Variants in FBXO24 observed in about 807,000 individuals in gnomAD.
FBXO24 encodes F-box only protein 24.
Under a neutral mutation model 63.5 loss-of-function variants are expected in FBXO24, and 30 were observed. The observed-to-expected ratio is 0.47, with a 90% CI of 0.35 to 0.64. The LOEUF (loss-of-function observed/expected upper bound fraction) is 0.64, where lower values mean the gene tolerates loss of function less well. Ranked by LOEUF, FBXO24 falls within the 30% of genes least tolerant of loss-of-function variation. The probability of loss-of-function intolerance (pLI) is 0.00; values close to 1 mark genes in which losing one functional copy is unlikely to be tolerated. For missense variants in FBXO24, 624 were observed against 763.4 expected, an observed-to-expected ratio of 0.82 and a Z score of 2.15; for synonymous variants, 300 against 305.0, an observed-to-expected ratio of 0.98 and a Z score of 0.17.
At position 100,595,000 on chromosome 7, in the gene FBXO24, G is replaced by A. The variant is rs1802234843; in HGVS notation, c.953-102G>A. On this transcript the variant is annotated intron_variant, in intron 6 of 9. Transcript: ENST00000241071. The surrounding 1 kb of genome is among the most constrained non-coding windows in gnomAD (Gnocchi z 4.2). ...ATCATAGTTGATGCATTCCTAGTGG[G>A]TATGAGACTCCTTGGATCTTGTAGC... 6.7e-7 allele frequency: 1 copy of A among 1,500,466 alleles called. No homozygotes were observed. 92.9% of individuals were successfully genotyped at this position (1,500,466 alleles called of 1,614,324 possible). A position where few individuals can be genotyped will look rare whatever the true frequency, so the allele number is the denominator to read the frequency against.
Position 100,591,818 on chromosome 7 carries a change from C to A in FBXO24, c.474C>A (p.Leu158=). 1 of 1,614,248 alleles carries A rather than the reference C, an allele frequency of 6.2e-7. No homozygotes were observed. The highest frequency in any genetic ancestry group is 8.5e-7 in the Non-Finnish European group (1 of 1,180,044). ...ACTACGTGGGGACCCTCTTCTTCCT[C>A]AAAAATGCCCTGGTCTCCACCCTCG... is the stretch of plus-strand genomic sequence containing the variant. ...ILDYVGTLFF[L]KNALVSTLGQ... is the part of the protein sequence containing the mutation. The change falls in exon 4 of 10, where the codon CTC becomes CTA. Residue 158 remains leucine (L), a synonymous_variant. Coordinates refer to ENST00000241071, the MANE Select transcript of FBXO24 (RefSeq NM_033506.3).
At chr7:100,599,004 G>T (rs952360674) in intron 8 of FBXO24, among the ~76,000 whole-genome samples, 17 of 152,006 alleles carry the variant, frequency 1.1e-4, no homozygotes, top group African/African-American at 4.1e-4. Context: ...AATGCTAGAG[G>T]CTGAGGTGGG....
chr7:100,597,593 C>T (rs1802373259), intron 8 of FBXO24, among the ~76,000 whole-genome samples: 1 of 152,042 alleles, frequency 6.6e-6, no homozygotes, highest in African/African-American at 2.4e-5. Context: ...GGAGTTTTAC[C>T]ATGTTGGCCA....
rs1802266298 is a variant in FBXO24 at position 100,595,556 on chromosome 7, T to A, written c.1075-19T>A. On this transcript the variant is annotated intron_variant, in intron 7 of 9. Coordinates refer to ENST00000241071, the MANE Select transcript of FBXO24 (RefSeq NM_033506.3). ...TGGAGGGAATGGAATCCCTATCCCC[T>A]TTCTATCTTGCACGCTAGATCCTAT... The A allele has an allele frequency of 1.2e-5, 19 of 1,568,886 alleles. No individual in the cohort carries two copies. Among genetic ancestry groups the A allele is most frequent in the Non-Finnish European group, 1.6e-5 (18 of 1,153,512 alleles).
chr7:100,589,710 G>C, intron 1 of FBXO24: 1 of 1,546,962 alleles, frequency 6.5e-7, no homozygotes. Context: ...GAGCAGGGAG[G>C]GGGCAATCAG....
chr7:100,600,481 A>T lies in FBXO24; in HGVS notation c.1378-53A>T. 1 of 1,520,456 alleles carries T rather than the reference A, an allele frequency of 6.6e-7. No homozygotes were observed. The highest frequency in any genetic ancestry group is 8.8e-7 in the Non-Finnish European group (1 of 1,135,460). 94.2% of individuals were successfully genotyped at this position (1,520,456 alleles called of 1,614,324 possible). A position where few individuals can be genotyped will look rare whatever the true frequency, so the allele number is the denominator to read the frequency against. ...CAGATTAGCCCGGGCACCCTGGGAA[A>T]CCCTGCAAGGAAAGCACCACTCAGC... On this transcript the variant is annotated intron_variant, in intron 9 of 9. Coordinates refer to ENST00000241071, the MANE Select transcript of FBXO24 (RefSeq NM_033506.3). The surrounding 1 kb of genome is among the most constrained non-coding windows in gnomAD (Gnocchi z 6.3).
intron 4 of FBXO24, among the ~76,000 whole-genome samples, chr7:100,592,526 A>T (rs2131266638): frequency 6.6e-6 from 1 of 152,298 alleles, no homozygotes; most frequent in Admixed American, 6.5e-5. Context: ...CCCACTGGGT[A>T]TTACAATTCG....
chr7:100,596,485 G>C (rs960019462), intron 8 of FBXO24, among the ~76,000 whole-genome samples: 4 of 152,152 alleles, frequency 2.6e-5, no homozygotes, highest in African/African-American at 9.7e-5. Flanking sequence ...CACAAGCTTA[G>C]AGAGGTGTAG....
chr7:100,599,970 C>CA, intron 8 of FBXO24, 61 bp from the exon 9 acceptor site: 1 of 1,448,668 alleles, frequency 6.9e-7, no homozygotes, highest in Non-Finnish European at 9.5e-7. Flanking sequence ...AACCTTTTCC[C>CA]ACCCCAGCCC....
rs1261381268 is a variant in FBXO24, at chr7:100,586,356, G to T, written c.-270G>T. The T allele has an allele frequency of 6.2e-6, 4 of 640,392 alleles. No homozygotes were observed. The South Asian group carries it at 7.8e-5, about 13-fold the overall frequency. The allele number at this position is 640,392 out of a possible 1,614,324, so 39.7% of individuals were successfully genotyped here. Reference sequence around the variant, plus strand: ...GCGCTCGCCAACGGCCGACGCTCCAGGCCGTCCCGCCCAGCGCAGCTGCAC... The same window carrying T: ...GCGCTCGCCAACGGCCGACGCTCCATGCCGTCCCGCCCAGCGCAGCTGCAC... On this transcript the variant is annotated 5_prime_UTR_variant, in exon 1 of 10. It adds an upstream start codon to the 5' untranslated region. Transcript: ENST00000241071.
chr7:100,594,913 C>T lies in FBXO24; in HGVS notation c.953-189C>T, dbSNP rs184845261. ...GCAGTGAACTGAGATCGTGCCACTT[C>T]GCTCCAGCCTGGGTGACCGAGGGAG... On this transcript the variant is annotated intron_variant, in intron 6 of 9. Transcript: ENST00000241071. This position sits in a 1 kb window ranked among gnomAD's most constrained non-coding sequence, Gnocchi z 4.2. Among the ~76,000 whole-genome samples the T allele has an allele frequency of 2.2e-4, 33 of 152,242 alleles. No individual in the cohort carries two copies. Among genetic ancestry groups the T allele is most frequent in the Middle Eastern group, 3.4e-3 (1 of 294 alleles).
intron 1 of FBXO24, among the ~76,000 whole-genome samples, chr7:100,588,703 A>G (rs1038939209): frequency 6.6e-6 from 1 of 152,188 alleles, no homozygotes; most frequent in African/African-American, 2.4e-5. Flanking sequence ...CAAAGCTAAT[A>G]TCAGAGACCC....
chr7:100,592,403 G>A lies in FBXO24; in HGVS notation c.559-380G>A, dbSNP rs116268552. 2.4e-3 allele frequency: 647 copies of A among 272,280 alleles called. 4 individuals are homozygous for A. The highest frequency in any genetic ancestry group is 0.013 in the African/African-American group (609 of 45,322). 16.9% of individuals were successfully genotyped at this position (272,280 alleles called of 1,614,324 possible). A position where few individuals can be genotyped will look rare whatever the true frequency, so the allele number is the denominator to read the frequency against. On this transcript the variant is annotated intron_variant, in intron 4 of 9. Transcript: ENST00000241071. The stretch of plus-strand genomic sequence containing the variant: ...AGGCACGTCTTACATGGCAGCAGGC[G>A]AGAGCACACAAGCAAGAGCAGGGAA...
chr7:100,594,981 G>A lies in FBXO24; in HGVS notation c.953-121G>A. The A allele has an allele frequency of 1.5e-6, 2 of 1,336,256 alleles. No homozygotes were observed. The highest frequency in any genetic ancestry group is 2.1e-6 in the Non-Finnish European group (2 of 968,068). 82.8% of individuals were successfully genotyped at this position (1,336,256 alleles called of 1,614,324 possible). A position where few individuals can be genotyped will look rare whatever the true frequency, so the allele number is the denominator to read the frequency against. Reference sequence around the variant, plus strand: ...GTGTTTTCAGTTCCCAGGCATCATAGTTGATGCATTCCTAGTGGGTATGAG... The same window carrying A: ...GTGTTTTCAGTTCCCAGGCATCATAATTGATGCATTCCTAGTGGGTATGAG... On this transcript the variant is annotated intron_variant, in intron 6 of 9. Coordinates refer to ENST00000241071, the MANE Select transcript of FBXO24 (RefSeq NM_033506.3). The surrounding 1 kb of genome is among the most constrained non-coding windows in gnomAD (Gnocchi z 4.2).
chr7:100,591,937 C>G (rs1353322594), intron 4 of FBXO24, 35 bp downstream of exon 4: 8 of 1,598,560 alleles, frequency 5.0e-6, no homozygotes, highest in Non-Finnish European at 6.9e-6. Context: ...GAGAGCCCAC[C>G]TGTATTAGTC....
chr7:100,600,536 C>G lies in FBXO24; in HGVS notation c.1380C>G (p.Val460=). The change falls in exon 10 of 10, where the codon GTC becomes GTG. Residue 460 remains valine, a splice_region_variant and synonymous_variant. Coordinates refer to ENST00000241071, the MANE Select transcript of FBXO24 (RefSeq NM_033506.3). This position sits in a 1 kb window ranked among gnomAD's most constrained non-coding sequence, Gnocchi z 6.3. The part of the protein sequence containing the change: ...SASFVKLQVK[V]PLCACALCAT... ...CCCCCTTTCTCTCCTCCTCCAAGGT[C>G]CCTCTGTGTGCCTGTGCCCTCTGTG... The G allele has an allele frequency of 6.5e-7, 1 of 1,548,608 alleles. No homozygotes were observed. Among genetic ancestry groups the G allele is most frequent in the Non-Finnish European group, 8.7e-7 (1 of 1,146,878 alleles).
intron 1 of FBXO24, chr7:100,586,869 GACTGTGAAGCCTCTGGCA>G: frequency 5.0e-5 from 23 of 461,362 alleles, no homozygotes; most frequent in Non-Finnish European, 5.6e-5. Context: ...GGGGACCTCC[GACTGTGAAGCCTCTGGCA>G]GGGGTCTCGG....
At chr7:100,599,384 G>T (rs958592000) in intron 8 of FBXO24, among the ~76,000 whole-genome samples, 2 of 152,086 alleles carry the variant, frequency 1.3e-5, no homozygotes, top group Admixed American at 6.6e-5. Flanking sequence ...GACCAGCCTG[G>T]TCAACATGGC....
rs747883269 is a variant in FBXO24, at chr7:100,586,631, C to G, written c.6C>G (p.Gly2=). 1 of 1,614,190 alleles carries G rather than the reference C, an allele frequency of 6.2e-7. No homozygotes were observed. The highest frequency in any genetic ancestry group is 2.2e-5 in the East Asian group (1 of 44,892). The change falls in exon 1 of 10, where the codon GGC becomes GGG. Residue 2 remains glycine, a synonymous_variant. Transcript: ENST00000241071. M[G]EKAVPLLRRR... The stretch of plus-strand genomic sequence containing the variant: ...CGGCTCTACCTACCAATAGCATGGG[C>G]GAGAAGGCGGTCCCTTTGCTAAGGA...
Sources: gnomAD v4.1 joint callset for allele counts (sites outside exome capture counted in the v4.1 genomes callset) on GRCh38, gnomAD v4.1.1 for gene constraint, Gnocchi (gnomAD v3.1) non-coding constraint, MANE v1.5 for transcripts, NCBI Gene and HGNC (gene_info 2026-07-23, HGNC 2026-07-21) for gene names.